PTPRD: variants seen among roughly 807,000 people sequenced by gnomAD.
PTPRD encodes receptor-type tyrosine-protein phosphatase delta.
PTPRD carries 34 observed loss-of-function variants against 214.5 expected under a neutral mutation model. The ratio of observed to expected loss-of-function variants is 0.16; its 90% CI spans 0.12 to 0.21. The LOEUF is 0.21. Among genes scored for constraint, PTPRD ranks in the 10% least tolerant of loss-of-function variants. PTPRD has a pLI of 1.00. For synonymous variants in PTPRD, 1,128 were observed against 845.7 expected, an observed-to-expected ratio of 1.33 and a Z score of -5.79; for missense variants, 2,545 against 2,398.7, an observed-to-expected ratio of 1.06 and a Z score of -1.27.
intron 7 of PTPRD, among the ~76,000 whole-genome samples, chr9:9,716,770 G>A (rs1428074446): frequency 5.3e-5 from 8 of 151,920 alleles, no homozygotes; most frequent in Non-Finnish European, 1.0e-4. Context: ...AGATGAGTAG[G>A]TTGCAAAAAT....
intron 11 of PTPRD, among the ~76,000 whole-genome samples, chr9:8,819,812 A>C (rs1341734304): frequency 6.6e-6 from 1 of 152,228 alleles, no homozygotes; most frequent in Non-Finnish European, 1.5e-5. Flanking sequence ...AATTAACCAG[A>C]TAATTCCTTC....
intron 8 of PTPRD, among the ~76,000 whole-genome samples, chr9:9,415,247 G>C (rs988581742): frequency 1.3e-5 from 2 of 152,092 alleles, no homozygotes; most frequent in Non-Finnish European, 2.9e-5. Context: ...AGACGAAGGC[G>C]GGCAGATCTC....
intron 12 of PTPRD, among the ~76,000 whole-genome samples, chr9:8,720,488 G>A (rs1394665737): frequency 1.3e-5 from 2 of 152,156 alleles, no homozygotes; most frequent in African/African-American, 4.8e-5. Flanking sequence ...TTTTGGCCAT[G>A]ATTTCCAATT....
At position 8,526,648 on chromosome 9, in the gene PTPRD, G is replaced by C. The variant is rs142871508; in HGVS notation, c.551-4C>G. The C allele has an allele frequency of 4.1e-3, 6,449 of 1,572,890 alleles. 61 individuals are homozygous for C. The highest frequency in any genetic ancestry group is 3.3e-3 in the Non-Finnish European group (3,871 of 1,156,142). Reference sequence around the variant, plus strand: ...TTACCTCTTATTGGTGTACCACCTGGGTGGATAATATGAATGCAAATAAGA... The same window carrying C: ...TTACCTCTTATTGGTGTACCACCTGCGTGGATAATATGAATGCAAATAAGA... On this transcript the variant is annotated splice_polypyrimidine_tract_variant and splice_region_variant and intron_variant, in intron 16 of 45. Transcript: ENST00000381196.
intron 3 of PTPRD, among the ~76,000 whole-genome samples, chr9:10,165,832 A>G (rs926005433): frequency 6.6e-6 from 1 of 151,124 alleles, no homozygotes; most frequent in Admixed American, 6.6e-5. Flanking sequence ...ATGTTTATGT[A>G]TTTGTAGAAA....
intron 5 of PTPRD, among the ~76,000 whole-genome samples, chr9:9,874,458 C>A (rs2066307693): frequency 2.0e-5 from 3 of 152,084 alleles, no homozygotes; most frequent in Non-Finnish European, 2.9e-5. Flanking sequence ...CAACGCAGAA[C>A]TGGTGGAAAC....
intron 7 of PTPRD, among the ~76,000 whole-genome samples, chr9:9,660,287 A>C (rs1021907105): frequency 1.3e-5 from 2 of 151,954 alleles, no homozygotes; most frequent in African/African-American, 4.8e-5. Flanking sequence ...CTTGATTTAC[A>C]CATTAACAGA....
intron 8 of PTPRD, among the ~76,000 whole-genome samples, chr9:9,420,245 G>A (rs1377866861): frequency 1.3e-5 from 2 of 151,728 alleles, no homozygotes; most frequent in Admixed American, 6.6e-5. Flanking sequence ...ATTCTGTAGT[G>A]GATCTGAAGT....
At chr9:9,942,892 G>A (rs1566573675) in intron 4 of PTPRD, among the ~76,000 whole-genome samples, 1 of 114,120 alleles carries the variant, frequency 8.8e-6, no homozygotes. Context: ...ATTGCTCTGA[G>A]TTGTTTTTTT....
chr9:9,162,513 T>A (rs942753681), intron 10 of PTPRD, among the ~76,000 whole-genome samples: 2 of 152,068 alleles, frequency 1.3e-5, no homozygotes, highest in Admixed American at 6.6e-5. Context: ...TGACTTTCCA[T>A]CTACATAATT....
intron 7 of PTPRD, among the ~76,000 whole-genome samples, chr9:9,711,511 A>G (rs551088745): frequency 6.6e-6 from 1 of 152,340 alleles, no homozygotes; most frequent in South Asian, 2.1e-4. Flanking sequence ...AATTATAATT[A>G]GACTACTTAA....
intron 3 of PTPRD, among the ~76,000 whole-genome samples, chr9:10,117,986 CT>C (rs1418167762): frequency 1.3e-5 from 2 of 151,956 alleles, no homozygotes; most frequent in Admixed American, 6.6e-5. Flanking sequence ...TTACCTGATA[CT>C]TTCCCCCCTG....
At chr9:9,954,288 G>T (rs1210093184) in intron 4 of PTPRD, among the ~76,000 whole-genome samples, 12 of 84,062 alleles carry the variant, frequency 1.4e-4, no homozygotes, top group Non-Finnish European at 2.5e-4. Flanking sequence ...TTGAGACTCT[G>T]TCTCAAAACA....
chr9:9,299,200 G>C (rs1954290649), intron 9 of PTPRD, among the ~76,000 whole-genome samples: 1 of 151,698 alleles, frequency 6.6e-6, no homozygotes, highest in African/African-American at 2.4e-5. Flanking sequence ...TTTTGGTAAT[G>C]AACATGATAT....
chr9:9,045,377 G>A (rs1569500132), intron 10 of PTPRD, among the ~76,000 whole-genome samples: 3 of 152,042 alleles, frequency 2.0e-5, no homozygotes, highest in Non-Finnish European at 4.4e-5. Context: ...ATTACTGAAA[G>A]TTTCTAAGTC....
At chr9:8,963,766 AC>A (rs1299653674) in intron 11 of PTPRD, among the ~76,000 whole-genome samples, 1 of 148,986 alleles carries the variant, frequency 6.7e-6, no homozygotes, top group Non-Finnish European at 1.5e-5. Flanking sequence ...CTACAGGCAC[AC>A]ATCACTATAC....
rs571333384 is a variant in PTPRD, at chr9:9,833,091, GAAGGGGCAAGGCCAGGTAATAGC to G, written c.-367-66263_-367-66241del. 3.1e-3 allele frequency among the ~76,000 whole-genome samples: 467 copies of G among 152,070 alleles called. 2 individuals are homozygous for G. The highest frequency in any genetic ancestry group is 0.01 in the Middle Eastern group (3 of 292). ...AAACATAGAACCTCTGTAATGAAGA[GAAGGGGCAAGGCCAGGTAATAGC>G]AATACAGATATATTTCTAAGGAACA... On this transcript the variant is annotated intron_variant, in intron 5 of 45. Coordinates refer to ENST00000381196, the MANE Select transcript of PTPRD (RefSeq NM_002839.4).
intron 6 of PTPRD, among the ~76,000 whole-genome samples, chr9:9,749,288 G>T (rs1184465688): frequency 2.0e-5 from 3 of 152,116 alleles, no homozygotes; most frequent in African/African-American, 7.2e-5. Flanking sequence ...CCAATTATCA[G>T]GTTGGTAAGT....
rs145669936 is a variant in PTPRD, at chr9:10,383,459, T to C, written c.-599-42442A>G. Among the ~76,000 whole-genome samples the C allele has an allele frequency of 3.9e-3, 590 of 151,958 alleles. 3 individuals carry two copies. Among genetic ancestry groups the C allele is most frequent in the Non-Finnish European group, 5.2e-3 (352 of 67,840 alleles). The stretch of plus-strand genomic sequence containing the variant: ...CTTTGCTCCTTTCTTCTGCAATAAA[T>C]GCATGGAACTAATGTGGTTGATAAG... On this transcript the variant is annotated intron_variant, in intron 2 of 45. Transcript: ENST00000381196.
Sources: allele counts gnomAD v4.1 joint callset (sites outside exome capture counted in the v4.1 genomes callset), GRCh38; gene constraint gnomAD v4.1.1; transcripts MANE v1.5; gene names NCBI Gene and HGNC (gene_info 2026-07-23, HGNC 2026-07-21).